Variants in SOX5 observed in about 807,000 individuals in gnomAD.
SOX5 encodes transcription factor SOX-5.
SOX5 carries 9 observed loss-of-function variants against 92.0 expected under a neutral mutation model. That is an observed-to-expected ratio of 0.10 (90% confidence interval 0.06 to 0.17). SOX5 has a LOEUF of 0.17. SOX5 is among the 10% of genes least tolerant of loss of function. The probability of loss-of-function intolerance (pLI) is 1.00; values close to 1 mark genes in which losing one functional copy is unlikely to be tolerated. For missense variants in SOX5, 642 were observed against 944.5 expected, an observed-to-expected ratio of 0.68 and a Z score of 4.20; for synonymous variants, 344 against 336.3, an observed-to-expected ratio of 1.02 and a Z score of -0.25.
intron 1 of SOX5, among the ~76,000 whole-genome samples, chr12:24,440,591 C>T (rs936774045): frequency 1.1e-3 from 140 of 130,706 alleles, no homozygotes; most frequent in African/African-American, 3.8e-3. Context: ...TTCACATGAT[C>T]CTTTGTGTGT....
intron 1 of SOX5, among the ~76,000 whole-genome samples, chr12:24,529,571 A>C (rs1367665546): frequency 6.6e-6 from 1 of 152,270 alleles, no homozygotes; most frequent in Non-Finnish European, 1.5e-5. Context: ...AAGAGTTCAA[A>C]GATGAAGGTC....
chr12:24,350,799 T>A (rs1287907874), intron 2 of SOX5, among the ~76,000 whole-genome samples: 1 of 152,164 alleles, frequency 6.6e-6, no homozygotes, highest in East Asian at 1.9e-4. Flanking sequence ...ATGCCTGTAG[T>A]CCTAGCTTTT....
intron 1 of SOX5, among the ~76,000 whole-genome samples, chr12:24,399,700 T>G (rs1596301277): frequency 6.6e-6 from 1 of 152,242 alleles, no homozygotes; most frequent in Non-Finnish European, 1.5e-5. Flanking sequence ...TATGGAAGTA[T>G]GCATTTGGAA....
intron 1 of SOX5, among the ~76,000 whole-genome samples, chr12:24,491,718 T>C (rs1440430189): frequency 1.3e-5 from 2 of 152,168 alleles, no homozygotes; most frequent in African/African-American, 2.4e-5. Flanking sequence ...AATCCAAGAC[T>C]ATCTACTGCA....
intron 3 of SOX5, among the ~76,000 whole-genome samples, chr12:23,774,555 T>C (rs976964067): frequency 2.6e-5 from 4 of 152,194 alleles, no homozygotes; most frequent in African/African-American, 9.6e-5. Context: ...AATACATGTA[T>C]AAAATAGTAA....
At chr12:23,781,464 C>A (rs6487359) in intron 3 of SOX5, among the ~76,000 whole-genome samples, 85,824 of 151,750 alleles carry the variant, frequency 0.57, 24,409 homozygotes, top group East Asian at 0.8. Flanking sequence ...CCTTTTCTAA[C>A]ATAAAAAGGA....
chr12:24,060,346 T>A (rs115762007), intron 4 of SOX5, among the ~76,000 whole-genome samples: 3,652 of 152,266 alleles, frequency 0.024, 150 homozygotes, highest in African/African-American at 0.083. Flanking sequence ...GAATTGCACC[T>A]ATGCGCTTGT....
intron 1 of SOX5, among the ~76,000 whole-genome samples, chr12:24,551,661 G>A (rs1362294087): frequency 6.6e-6 from 1 of 152,112 alleles, no homozygotes; most frequent in Non-Finnish European, 1.5e-5. Flanking sequence ...TAGACACAGA[G>A]GACTCATGTT....
intron 6 of SOX5, among the ~76,000 whole-genome samples, chr12:23,684,920 T>A (rs1466272025): frequency 6.6e-6 from 1 of 152,172 alleles, no homozygotes; most frequent in Non-Finnish European, 1.5e-5. Context: ...TATTAATTTA[T>A]CAGAATGGAA....
intron 8 of SOX5, among the ~76,000 whole-genome samples, chr12:23,609,611 A>G (rs913140478): frequency 2.0e-5 from 3 of 152,212 alleles, no homozygotes; most frequent in African/African-American, 7.2e-5. Context: ...CCCATCATCT[A>G]TTCTCATTTG....
rs57964050 is a variant in SOX5 at position 24,428,726 on chromosome 12, CAAAAAAAAAAAAAAA to C, written c.-250-60102_-250-60088del. Among the ~76,000 whole-genome samples the C allele has an allele frequency of 8.0e-4, 26 of 32,596 alleles. 1 individual carries two copies. Among genetic ancestry groups the C allele is most frequent in the East Asian group, 3.4e-3 (3 of 876 alleles). The allele number at this position is 32,596 out of a possible 152,430, so 21.4% of individuals were successfully genotyped here. Reference sequence around the variant, plus strand: ...GGCAACAGAGTGAGACTCTGTTTCTCAAAAAAAAAAAAAAAAAAAAAAAAAAAAAAAAAGCTAATT... The same window carrying C: ...GGCAACAGAGTGAGACTCTGTTTCTCAAAAAAAAAAAAAAAAAAGCTAATT... On this transcript the variant is annotated intron_variant, in intron 1 of 4. Transcript: ENST00000446891.
chr12:23,765,171 G>A (rs954664186), intron 3 of SOX5, among the ~76,000 whole-genome samples: 2 of 151,740 alleles, frequency 1.3e-5, no homozygotes, highest in African/African-American at 4.8e-5. Flanking sequence ...TAGTCCATCT[G>A]CCTTAACAAC....
intron 9 of SOX5, among the ~76,000 whole-genome samples, chr12:23,589,831 A>C (rs912266607): frequency 1.3e-5 from 2 of 151,958 alleles, no homozygotes; most frequent in South Asian, 2.1e-4. Flanking sequence ...TCATGTATTT[A>C]TTCTTCTAAA....
At chr12:23,780,555 T>G (rs997949337) in intron 3 of SOX5, among the ~76,000 whole-genome samples, 5 of 152,028 alleles carry the variant, frequency 3.3e-5, no homozygotes, top group African/African-American at 1.2e-4. Flanking sequence ...GGGCTAAAAT[T>G]AGTCAAAATC....
At chr12:24,390,097 A>G (rs1163463987) in intron 1 of SOX5, among the ~76,000 whole-genome samples, 2 of 152,076 alleles carry the variant, frequency 1.3e-5, no homozygotes, top group Non-Finnish European at 2.9e-5. Context: ...ATCCTCCCCA[A>G]GTTTCTCGTT....
intron 4 of SOX5, among the ~76,000 whole-genome samples, chr12:23,749,369 T>C (rs568340078): frequency 2.6e-5 from 4 of 152,094 alleles, no homozygotes; most frequent in African/African-American, 9.6e-5. Flanking sequence ...TATTCTTACC[T>C]TTTTAAATAT....
intron 3 of SOX5, among the ~76,000 whole-genome samples, chr12:23,786,964 G>T (rs1201767694): frequency 6.9e-6 from 1 of 145,508 alleles, no homozygotes; most frequent in African/African-American, 2.5e-5. Context: ...CACAGTTGGA[G>T]AACTATTGAT....
At chr12:24,198,078 ATTAT>A (rs1390616509) in intron 4 of SOX5, among the ~76,000 whole-genome samples, 10 of 152,180 alleles carry the variant, frequency 6.6e-5, no homozygotes, top group South Asian at 2.1e-4. Flanking sequence ...GTGCTTCATA[ATTAT>A]TTATTATTAT....
chr12:23,661,025 G>A (rs2082972119), intron 7 of SOX5, among the ~76,000 whole-genome samples: 1 of 152,082 alleles, frequency 6.6e-6, no homozygotes, highest in Non-Finnish European at 1.5e-5. Context: ...AATGTTCTTG[G>A]TAAATATTCT....
Sources: allele counts gnomAD v4.1 joint callset (sites outside exome capture counted in the v4.1 genomes callset), GRCh38; gene constraint gnomAD v4.1.1; transcripts MANE v1.5; gene names NCBI Gene and HGNC (gene_info 2026-07-23, HGNC 2026-07-21).